The following ZC3H7B variants were observed in gnomAD, a reference collection of about 807,000 sequenced individuals.
ZC3H7B encodes zinc finger CCCH-type containing 7B.
A neutral mutation model predicts 116.0 loss-of-function variants in ZC3H7B; 35 were observed. The observed-to-expected ratio is 0.30, with a 90% confidence interval of 0.23 to 0.40. The LOEUF (loss-of-function observed/expected upper bound fraction) is 0.40. Among genes scored for constraint, ZC3H7B ranks in the 10% least tolerant of loss-of-function variants. The probability of loss-of-function intolerance (pLI) is 1.00; values close to 1 mark genes in which losing one functional copy is unlikely to be tolerated. For synonymous variants in ZC3H7B, 502 were observed against 545.6 expected (o/e 0.92, Z 1.11); for missense variants, 1,011 against 1,321.5 (o/e 0.77, Z 3.64).
intron 14 of ZC3H7B, among the ~76,000 whole-genome samples, 186 bp from the exon 15 acceptor site, chr22:41,347,881 G>A (rs1167633840): frequency 6.6e-6 from 1 of 152,134 alleles, no homozygotes; most frequent in East Asian, 1.9e-4. Flanking sequence ...CCAAAGCCCA[G>A]GTCACCTGTG....
At chr22:41,332,352 T>C in intron 7 of ZC3H7B, 125 bp downstream of exon 7, 1 of 1,177,514 alleles carries the variant, frequency 8.5e-7, no homozygotes, top group Non-Finnish European at 1.3e-6. Flanking sequence ...AGGAGGTACC[T>C]CCCGTGTCCA....
At chr22:41,317,658 GTGGTGGTC>G (rs1330126399) in intron 1 of ZC3H7B, among the ~76,000 whole-genome samples, 2 of 152,082 alleles carry the variant, frequency 1.3e-5, no homozygotes, top group Non-Finnish European at 2.9e-5. Context: ...TTAGCCATGT[GTGGTGGTC>G]CCAGCTACTC....
At chr22:41,307,901 C>A (rs1362713560) in intron 1 of ZC3H7B, among the ~76,000 whole-genome samples, 1 of 152,194 alleles carries the variant, frequency 6.6e-6, no homozygotes, top group African/African-American at 2.4e-5. Context: ...CAGGTTACTT[C>A]CAGTTTCCTC....
chr22:41,311,848 G>C (rs112609623), intron 1 of ZC3H7B, among the ~76,000 whole-genome samples: 1 of 151,942 alleles, frequency 6.6e-6, no homozygotes, highest in Non-Finnish European at 1.5e-5. Context: ...AATCTGCTTC[G>C]TTTTTTGTTC....
At chr22:41,355,714 A>G in intron 18 of ZC3H7B, 43 bp from the exon 19 acceptor site, 1 of 1,612,406 alleles carries the variant, frequency 6.2e-7, no homozygotes, top group East Asian at 2.2e-5. Context: ...CACAGCACAC[A>G]GGCTGTGCCC....
chr22:41,340,286 C>G, intron 10 of ZC3H7B, 149 bp downstream of exon 10: 2 of 868,198 alleles, frequency 2.3e-6, no homozygotes, highest in Non-Finnish European at 3.5e-6. Flanking sequence ...GTGTTGCCGT[C>G]TCTGCAGTGC....
At chr22:41,308,775 C>T (rs540314539) in intron 1 of ZC3H7B, among the ~76,000 whole-genome samples, 1 of 152,306 alleles carries the variant, frequency 6.6e-6, no homozygotes, top group East Asian at 1.9e-4. Flanking sequence ...CTCGCCTGCC[C>T]CTTGCACTTT....
At chr22:41,350,054 G>A (rs951436055) in intron 16 of ZC3H7B, among the ~76,000 whole-genome samples, 3 of 152,154 alleles carry the variant, frequency 2.0e-5, no homozygotes, top group Non-Finnish European at 2.9e-5. Context: ...AGATAAAGCC[G>A]AGCAATGGGA....
At position 41,338,179 on chromosome 22, in the gene ZC3H7B, CTTT is replaced by C. The variant is rs2036470015; in HGVS notation, c.583-133_583-131del. ...CACCACGCCTGGCCGCATGTGAGGG[CTTT>C]AATCTCCCCTGGCACTCTAAGTGCT... On this transcript the variant is annotated intron_variant, in intron 7 of 22. Coordinates refer to ENST00000352645, the MANE Select transcript of ZC3H7B (RefSeq NM_017590.6). This position sits in a 1 kb window ranked among gnomAD's most constrained non-coding sequence, Gnocchi z 4.5. 3 of 920,778 alleles carry C rather than the reference CTTT, an allele frequency of 3.3e-6. No individual in the cohort carries two copies. In the African/African-American group the frequency reaches 5.0e-5, roughly 15 times the overall value. The allele number at this position is 920,778 out of a possible 1,614,324, so 57.0% of individuals were successfully genotyped here. A position where few individuals can be genotyped will look rare whatever the true frequency, so the allele number is the denominator to read the frequency against.
intron 15 of ZC3H7B, among the ~76,000 whole-genome samples, chr22:41,348,838 A>C (rs111598707): frequency 3.7e-4 from 57 of 152,206 alleles, no homozygotes; most frequent in Non-Finnish European, 8.8e-5. Flanking sequence ...GCTCTGCAGA[A>C]TCAAGCTGGA....
intron 5 of ZC3H7B, among the ~76,000 whole-genome samples, chr22:41,329,402 G>A (rs1417290433): frequency 6.6e-6 from 1 of 151,676 alleles, no homozygotes. Flanking sequence ...GGGATTACAG[G>A]CACCCACCAC....
At chr22:41,353,886 C>T (rs1377104226) in intron 17 of ZC3H7B, among the ~76,000 whole-genome samples, 1 of 152,198 alleles carries the variant, frequency 6.6e-6, no homozygotes, top group African/African-American at 2.4e-5. Flanking sequence ...TTTCTTTTTC[C>T]TTCTGGCCAG....
In ZC3H7B at chr22:41,338,894, C is replaced by G. The variant is rs2036479243; in HGVS notation, c.626-107C>G. 2 of 1,252,168 alleles carry G rather than the reference C, an allele frequency of 1.6e-6. No homozygotes were observed. The highest frequency in any genetic ancestry group is 2.2e-6 in the Non-Finnish European group (2 of 923,612). 77.6% of individuals were successfully genotyped at this position (1,252,168 alleles called of 1,614,324 possible). On this transcript the variant is annotated intron_variant, in intron 8 of 22. Coordinates refer to ENST00000352645, the MANE Select transcript of ZC3H7B (RefSeq NM_017590.6). This position sits in a 1 kb window ranked among gnomAD's most constrained non-coding sequence, Gnocchi z 4.5. ...GGGAAGGCAGGGCTCCTGGCAAGAGCTGAAAGAAGAAGGGAAAGTGTTGGA... is the reference window on the plus strand; with the variant it reads ...GGGAAGGCAGGGCTCCTGGCAAGAGGTGAAAGAAGAAGGGAAAGTGTTGGA...
intron 1 of ZC3H7B, among the ~76,000 whole-genome samples, chr22:41,304,932 A>G (rs1402646587): frequency 6.6e-6 from 1 of 152,160 alleles, no homozygotes; most frequent in Non-Finnish European, 1.5e-5. Flanking sequence ...TCAGATACGT[A>G]AGCAAGAACA....
Position 41,320,302 on chromosome 22 carries a change from A to G in ZC3H7B, c.-6-353A>G, listed in dbSNP as rs1601769995. On this transcript the variant is annotated intron_variant, in intron 1 of 22. Transcript: ENST00000352645. Reference sequence around the variant, plus strand: ...GAGCCGAGATGGCGCCATTGCACTCAGCCTGGGTAACAGGGGAGACTCTGT... The same window carrying G: ...GAGCCGAGATGGCGCCATTGCACTCGGCCTGGGTAACAGGGGAGACTCTGT... 2.6e-5 allele frequency among the ~76,000 whole-genome samples: 4 copies of G among 151,582 alleles called. No homozygotes were observed. In the Middle Eastern group the frequency reaches 0.014, roughly 516 times the overall value.
intron 7 of ZC3H7B, among the ~76,000 whole-genome samples, chr22:41,337,652 TG>T (rs1312923250): frequency 6.6e-6 from 1 of 152,088 alleles, no homozygotes. Context: ...TGTGGTGCTG[TG>T]GGGGGAGGCT....
In ZC3H7B at chr22:41,340,155, C is replaced by T; in HGVS notation, c.1138+18C>T. On this transcript the variant is annotated intron_variant, in intron 10 of 22. Coordinates refer to ENST00000352645, the MANE Select transcript of ZC3H7B (RefSeq NM_017590.6). The stretch of plus-strand genomic sequence containing the variant: ...CTTCATGGGTAAGGCCATGGGTGGG[C>T]CCGTTCAACCTCCCTGGACAGGTTG... 6.3e-7 allele frequency: 1 copy of T among 1,580,188 alleles called. No individual in the cohort carries two copies. Among genetic ancestry groups the T allele is most frequent in the Non-Finnish European group, 8.6e-7 (1 of 1,162,144 alleles).
At chr22:41,306,487 C>T (rs995889837) in intron 1 of ZC3H7B, among the ~76,000 whole-genome samples, 2 of 151,508 alleles carry the variant, frequency 1.3e-5, no homozygotes, top group African/African-American at 4.8e-5. Context: ...GATCCTCCTG[C>T]CTCAGCCTCT....
intron 7 of ZC3H7B, 35 bp downstream of exon 7, chr22:41,332,262 A>G (rs1469755623): frequency 6.2e-7 from 1 of 1,612,874 alleles, no homozygotes; most frequent in Non-Finnish European, 8.5e-7. Context: ...GTCTCAGTTT[A>G]TCCATTATGA....
Sources: allele counts gnomAD v4.1 joint callset (sites outside exome capture counted in the v4.1 genomes callset), GRCh38; gene constraint gnomAD v4.1.1; non-coding constraint Gnocchi (gnomAD v3.1); transcripts MANE v1.5; gene names NCBI Gene and HGNC (gene_info 2026-07-23, HGNC 2026-07-21).